Variants in LRIG1 observed in about 807,000 individuals in gnomAD.
LRIG1 encodes the protein leucine-rich repeats and immunoglobulin-like domains protein 1.
LRIG1 carries 48 observed loss-of-function variants against 99.2 expected under a neutral mutation model. The observed-to-expected ratio is 0.48, with a 90% CI of 0.38 to 0.62. LRIG1 has a LOEUF of 0.62. LRIG1 is among the 20% of genes least tolerant of loss of function. The probability of loss-of-function intolerance (pLI) is 0.00; values close to 1 mark genes in which losing one functional copy is unlikely to be tolerated. For missense variants in LRIG1, 1,646 were observed against 1,434.4 expected, an observed-to-expected ratio of 1.15 and a Z score of -2.38; for synonymous variants, 772 against 596.1, an observed-to-expected ratio of 1.29 and a Z score of -4.30.
intron 3 of LRIG1, among the ~76,000 whole-genome samples, chr3:66,424,049 C>G (rs567628359): frequency 6.6e-6 from 1 of 152,182 alleles, no homozygotes; most frequent in African/African-American, 2.4e-5. Flanking sequence ...CTCTCAGGAA[C>G]GAAGGGCTGA....
chr3:66,435,702 C>G (rs1703331936), intron 3 of LRIG1, among the ~76,000 whole-genome samples: 1 of 152,126 alleles, frequency 6.6e-6, no homozygotes, highest in African/African-American at 2.4e-5. Context: ...TGTCAATATC[C>G]TGGTTATGAA....
At chr3:66,417,815 C>G (rs146960266) in intron 3 of LRIG1, among the ~76,000 whole-genome samples, 1 of 151,674 alleles carries the variant, frequency 6.6e-6, no homozygotes, top group Non-Finnish European at 1.5e-5. Flanking sequence ...AAAAAGATTA[C>G]GACAAAATCC....
chr3:66,384,413 G>A, intron 13 of LRIG1, 141 bp from the exon 14 acceptor site: 1 of 874,848 alleles, frequency 1.1e-6, no homozygotes, highest in Non-Finnish European at 1.8e-6. Flanking sequence ...GACCACTCCT[G>A]CCACCTGTGA....
At position 66,398,183 on chromosome 3, in the gene LRIG1, C is replaced by T. The variant is rs1401772375; in HGVS notation, c.1233G>A (p.Leu411=). Residue 411 remains leucine, a splice_region_variant and synonymous_variant, in exon 11 of 19, where the codon CTG becomes CTA. Transcript: ENST00000273261. ...ATCTGATCGCATTCCCTCCAAGGTT[C>T]CTGAAACAGAACATACATTACTTAT... is the stretch of plus-strand genomic sequence containing the variant. ...AFSGLEGLEH[L]NLGGNAIRSV... is the part of the protein sequence containing the mutation. The T allele has an allele frequency of 2.5e-6, 4 of 1,613,212 alleles. No homozygotes were observed. The South Asian group carries it at 3.3e-5, about 13-fold the overall frequency.
intron 12 of LRIG1, among the ~76,000 whole-genome samples, chr3:66,393,394 CTG>C (rs1300675519): frequency 6.6e-6 from 1 of 152,220 alleles, no homozygotes; most frequent in Non-Finnish European, 1.5e-5. Flanking sequence ...GACCGTGAGC[CTG>C]TGTCAGTCCT....
At chr3:66,490,304 C>T (rs1380912456) in intron 1 of LRIG1, among the ~76,000 whole-genome samples, 1 of 152,204 alleles carries the variant, frequency 6.6e-6, no homozygotes, top group Non-Finnish European at 1.5e-5. Context: ...GAAGGAAACC[C>T]TGCTCCCTTC....
intron 3 of LRIG1, among the ~76,000 whole-genome samples, chr3:66,443,087 G>A (rs996113411): frequency 5.3e-5 from 8 of 152,112 alleles, no homozygotes; most frequent in Admixed American, 5.2e-4. Flanking sequence ...GCTTAGACTG[G>A]GGGCAAGTGG....
intron 1 of LRIG1, among the ~76,000 whole-genome samples, chr3:66,496,011 G>C (rs536608842): frequency 3.3e-5 from 5 of 152,196 alleles, no homozygotes; most frequent in African/African-American, 9.7e-5. Context: ...TTCAGCTAAC[G>C]GTGCAGAGCT....
Position 66,384,012 on chromosome 3 carries a change from T to C in LRIG1, c.2050A>G (p.Asn684Asp), listed in dbSNP as rs751260008. Residue 684 changes from asparagine to aspartate, a missense_variant, in exon 14 of 19, where the codon AAT (asparagine) becomes GAT (aspartate). By Grantham distance (23) the Asn-to-Asp change is conservative. Coordinates refer to ENST00000273261, the MANE Select transcript of LRIG1 (RefSeq NM_015541.3). ...AQNSAGSISA[N>D]ATLTVLETPS... is the part of the protein sequence containing the mutation. ...AAACCTAGGACAGTCAGGGTGGCAT[T>C]AGCTGAAATAGAACCGGCTGAGTTC... 2.5e-6 allele frequency: 4 copies of C among 1,613,206 alleles called. No homozygotes were observed. The highest frequency in any genetic ancestry group is 3.4e-6 in the Non-Finnish European group (4 of 1,179,638).
intron 12 of LRIG1, among the ~76,000 whole-genome samples, chr3:66,392,457 G>C (rs1008276996): frequency 2.0e-5 from 3 of 152,176 alleles, no homozygotes; most frequent in Non-Finnish European, 2.9e-5. Context: ...GTTATTATCT[G>C]AGTTTTGGAT....
At chr3:66,470,699 C>T (rs965955894) in intron 1 of LRIG1, among the ~76,000 whole-genome samples, 2 of 152,114 alleles carry the variant, frequency 1.3e-5, no homozygotes, top group African/African-American at 2.4e-5. Context: ...TCGCCTTGTT[C>T]ATTTACTTAA....
intron 12 of LRIG1, among the ~76,000 whole-genome samples, chr3:66,393,005 T>A (rs983083419): frequency 6.6e-6 from 1 of 152,146 alleles, no homozygotes; most frequent in Non-Finnish European, 1.5e-5. Flanking sequence ...CTGGTCTGGA[T>A]CCAGAGGAAG....
intron 1 of LRIG1, 64 bp downstream of exon 1, chr3:66,500,126 C>T: frequency 2.2e-6 from 3 of 1,342,648 alleles, no homozygotes; most frequent in Non-Finnish European, 3.0e-6. Context: ...TACGAACCCC[C>T]GCCGCTCCAT....
intron 3 of LRIG1, 39 bp from the exon 4 acceptor site, chr3:66,417,305 T>C (rs781147176): frequency 6.3e-7 from 1 of 1,596,394 alleles, no homozygotes; most frequent in Non-Finnish European, 8.6e-7. Flanking sequence ...GCATCTCTTT[T>C]TGCAAAGTAA....
At chr3:66,393,814 T>C in intron 12 of LRIG1, among the ~76,000 whole-genome samples, 1 of 152,228 alleles carries the variant, frequency 6.6e-6, no homozygotes, top group East Asian at 1.9e-4. Context: ...AACCAACTTA[T>C]ACTCCCTTCT....
intron 3 of LRIG1, among the ~76,000 whole-genome samples, chr3:66,422,435 T>C (rs1476874212): frequency 1.3e-5 from 2 of 152,218 alleles, no homozygotes; most frequent in African/African-American, 2.4e-5. Context: ...AAGTTCAAAG[T>C]TCCACAAATC....
intron 12 of LRIG1, among the ~76,000 whole-genome samples, chr3:66,391,767 A>G (rs1224581544): frequency 6.6e-6 from 1 of 152,206 alleles, no homozygotes; most frequent in Admixed American, 6.5e-5. Context: ...TTTATGATAT[A>G]TAAATTATAT....
At position 66,381,634 on chromosome 3, in the gene LRIG1, G is replaced by GCAAGTGGATT. The variant is rs1701070360; in HGVS notation, c.2618-13_2618-4dup. The GCAAGTGGATT allele has an allele frequency of 6.2e-7, 1 of 1,611,328 alleles. No homozygotes were observed. The highest frequency in any genetic ancestry group is 8.5e-7 in the Non-Finnish European group (1 of 1,177,868). On this transcript the variant is annotated splice_region_variant and splice_polypyrimidine_tract_variant and intron_variant, in intron 16 of 18. Coordinates refer to ENST00000273261, the MANE Select transcript of LRIG1 (RefSeq NM_015541.3). ...GCTTGCATCTCTTGGACACACACCT[G>GCAAGTGGATT]CAAGTGGATTCCAACACGATTAGAA...
chr3:66,494,795 A>T, intron 1 of LRIG1, among the ~76,000 whole-genome samples: 1 of 152,268 alleles, frequency 6.6e-6, no homozygotes, highest in East Asian at 1.9e-4. Flanking sequence ...TAAACTGCAA[A>T]TTTTTTCTGC....
Sources: allele counts gnomAD v4.1 joint callset (sites outside exome capture counted in the v4.1 genomes callset), GRCh38; gene constraint gnomAD v4.1.1; transcripts MANE v1.5; gene names NCBI Gene and HGNC (gene_info 2026-07-23, HGNC 2026-07-21).